Variants in EDA observed in about 807,000 individuals in gnomAD.
EDA encodes the protein ectodysplasin-A.
A neutral mutation model predicts 23.6 loss-of-function variants in EDA; 2 were observed. The observed-to-expected ratio is 0.08, with a 90% CI of 0.03 to 0.27. The LOEUF (loss-of-function observed/expected upper bound fraction) is 0.27. Among genes scored for constraint, EDA ranks in the 10% least tolerant of loss-of-function variants. The pLI is 1.00. For synonymous variants in EDA, 131 were observed against 132.0 expected, an observed-to-expected ratio of 0.99 and a Z score of 0.05; for missense variants, 229 against 324.2, an observed-to-expected ratio of 0.71 and a Z score of 2.26.
chrX:69,709,332 T>G (rs892059356), intron 1 of EDA, among the ~76,000 whole-genome samples: 7 of 111,869 alleles, frequency 6.3e-5, no homozygotes, highest in Admixed American at 2.9e-4. Context: ...TCAGTGGAAA[T>G]CTTGAAGGAT....
At chrX:69,859,436 C>T (rs1322514214) in intron 1 of EDA, among the ~76,000 whole-genome samples, 1 of 111,925 alleles carries the variant, frequency 8.9e-6, no homozygotes, top group Non-Finnish European at 1.9e-5. Context: ...TATCTTTGTT[C>T]TCAGTAATTT....
At chrX:69,697,481 C>G (rs941638193) in intron 1 of EDA, among the ~76,000 whole-genome samples, 1 of 111,659 alleles carries the variant, frequency 9.0e-6, no homozygotes, top group African/African-American at 3.3e-5. Context: ...ATAACTACTT[C>G]AAGCGTGACA....
intron 1 of EDA, among the ~76,000 whole-genome samples, chrX:69,942,136 T>C (rs1014075677): frequency 1.8e-5 from 2 of 111,907 alleles, no homozygotes; most frequent in Non-Finnish European, 3.8e-5. Context: ...TATCTTATTA[T>C]ATTGTCTATG....
At chrX:69,815,541 A>C (rs1332259974) in intron 1 of EDA, among the ~76,000 whole-genome samples, 1 of 111,902 alleles carries the variant, frequency 8.9e-6, no homozygotes, top group Non-Finnish European at 1.9e-5. Flanking sequence ...GGTCCCTCAC[A>C]GTGCAGCACA....
At chrX:69,829,856 G>T (rs1242249674) in intron 1 of EDA, among the ~76,000 whole-genome samples, 1 of 111,828 alleles carries the variant, frequency 8.9e-6, no homozygotes, top group African/African-American at 3.3e-5. Context: ...ATATGTGGGT[G>T]CTATATTAAC....
intron 1 of EDA, among the ~76,000 whole-genome samples, chrX:69,815,338 C>T (rs1569341272): frequency 9.2e-6 from 1 of 108,639 alleles, no homozygotes; most frequent in East Asian, 3.0e-4. Context: ...CATTCCTCCT[C>T]GCTGGGTGGG....
chrX:69,750,709 G>A (rs1207491052), intron 1 of EDA, among the ~76,000 whole-genome samples: 11 of 111,132 alleles, frequency 9.9e-5, no homozygotes, highest in Admixed American at 8.6e-4. Flanking sequence ...TTTAATGATC[G>A]CCATTCTAAC....
At chrX:69,732,674 C>T (rs2013083517) in intron 1 of EDA, among the ~76,000 whole-genome samples, 1 of 111,978 alleles carries the variant, frequency 8.9e-6, no homozygotes. Flanking sequence ...GGAATCGCCA[C>T]ACTGTCTTCC....
rs770789667 is a variant in EDA, at chrX:69,629,207, C to T, written c.396+12503C>T. ...TCCAGACTGGTCCACTGACAGGCCG[C>T]GTTCTGGCCTTTGTTTGTTTACCTG... is the stretch of plus-strand genomic sequence containing the variant. On this transcript the variant is annotated intron_variant, in intron 1 of 7. Transcript: ENST00000374552. 5.4e-5 allele frequency among the ~76,000 whole-genome samples: 6 copies of T among 111,674 alleles called. No individual in the cohort carries two copies. The East Asian group carries it at 1.7e-3, about 32-fold the overall frequency.
chrX:69,693,963 A>G (rs1383815931), intron 1 of EDA, among the ~76,000 whole-genome samples: 1 of 112,292 alleles, frequency 8.9e-6, no homozygotes. Flanking sequence ...ACCATCAGAA[A>G]GTACAAATGT....
At chrX:69,852,781 C>A (rs775928259) in intron 1 of EDA, among the ~76,000 whole-genome samples, 46 of 111,221 alleles carry the variant, frequency 4.1e-4, no homozygotes, top group Non-Finnish European at 6.0e-4. Flanking sequence ...AAAAAAAATT[C>A]TCCACTGAGA....
intron 1 of EDA, among the ~76,000 whole-genome samples, chrX:69,619,974 C>T (rs1443907456): frequency 9.0e-6 from 1 of 111,646 alleles, no homozygotes; most frequent in Non-Finnish European, 1.9e-5. Flanking sequence ...CAAGAAAAGC[C>T]TAACAGCTGA....
chrX:69,999,458 CA>C (rs769205404), intron 2 of EDA, among the ~76,000 whole-genome samples: 17 of 108,518 alleles, frequency 1.6e-4, no homozygotes, highest in Admixed American at 4.9e-4. Flanking sequence ...ACTAAAAATA[CA>C]AAAAAAATTA....
At chrX:69,955,025 G>A (rs888286385) in intron 1 of EDA, among the ~76,000 whole-genome samples, 8 of 112,206 alleles carry the variant, frequency 7.1e-5, no homozygotes, top group African/African-American at 2.6e-4. Context: ...TGGCTGCATA[G>A]CTGAAGTAAG....
At chrX:69,891,834 G>C (rs1413010630) in intron 1 of EDA, among the ~76,000 whole-genome samples, 1 of 111,020 alleles carries the variant, frequency 9.0e-6, no homozygotes, top group African/African-American at 3.3e-5. Flanking sequence ...CCTGGGTGAT[G>C]GGATGATCTG....
At chrX:69,948,177 T>C (rs1821426706) in intron 1 of EDA, among the ~76,000 whole-genome samples, 1 of 112,535 alleles carries the variant, frequency 8.9e-6, no homozygotes, top group South Asian at 3.7e-4. Context: ...GAGATTGAAC[T>C]GGTCTGTAGT....
chrX:69,842,245 T>C lies in EDA; in HGVS notation c.397-114782T>C, dbSNP rs2016911268. Among the ~76,000 whole-genome samples, 3 of 111,781 alleles carry C rather than the reference T, an allele frequency of 2.7e-5. No homozygotes were observed. In the South Asian group the frequency reaches 1.1e-3, roughly 43 times the overall value. ...CATACGAGGGATCTAGGTTGCGTGC[T>C]CCTTATGAGAATCTAATGTCTGGTG... On this transcript the variant is annotated intron_variant, in intron 1 of 7. Transcript: ENST00000374552.
At chrX:69,620,961 C>T (rs368641938) in intron 1 of EDA, 5 of 358,672 alleles carry the variant, frequency 1.4e-5, no homozygotes, top group Non-Finnish European at 2.7e-5. Flanking sequence ...GTAAATAGTT[C>T]CACTGGAAAT....
chrX:69,888,978 T>C (rs201848716), intron 1 of EDA, among the ~76,000 whole-genome samples: 2 of 16,030 alleles, frequency 1.2e-4, no homozygotes, highest in Non-Finnish European at 2.1e-4. Flanking sequence ...TGTGGGGTAG[T>C]TATATATATA....
Sources: allele counts gnomAD v4.1 joint callset (sites outside exome capture counted in the v4.1 genomes callset), GRCh38; gene constraint gnomAD v4.1.1; transcripts MANE v1.5; gene names NCBI Gene and HGNC (gene_info 2026-07-23, HGNC 2026-07-21).